CSNK1A1: variants seen among roughly 807,000 people sequenced by gnomAD.
The protein encoded by CSNK1A1 is casein kinase 1 alpha 1.
A neutral mutation model predicts 46.1 loss-of-function variants in CSNK1A1; 7 were observed. The observed-to-expected ratio is 0.15, with a 90% CI of 0.09 to 0.29. The LOEUF is 0.29. Ranked by LOEUF, CSNK1A1 falls within the 10% of genes least tolerant of loss-of-function variation. The pLI, the probability that CSNK1A1 is intolerant of heterozygous loss-of-function variation, is 1.00. For synonymous variants in CSNK1A1, 137 were observed against 141.5 expected (o/e 0.97, Z 0.23); for missense variants, 96 against 417.1 (o/e 0.23, Z 6.71).
intron 9 of CSNK1A1, chr5:149,501,516 G>A (rs748041415): frequency 1.0e-6 from 1 of 985,318 alleles, no homozygotes; most frequent in Non-Finnish European, 1.2e-6. Context: ...AAGGAAGACT[G>A]TGGACATGGT....
rs181767948 is a variant in CSNK1A1 at position 149,521,908 on chromosome 5, C to G, written c.358-1520G>C. Among the ~76,000 whole-genome samples, 85 of 152,074 alleles carry G rather than the reference C, an allele frequency of 5.6e-4. 1 individual carries two copies. The highest frequency in any genetic ancestry group is 2.0e-3 in the African/African-American group (82 of 41,510). On this transcript the variant is annotated intron_variant, in intron 3 of 9. Transcript: ENST00000377843. ...CAGGCGTGAGCCACTGCGCCTGGCC[C>G]TTCTATGAGGATTTACTCTTCTATG... is the stretch of plus-strand genomic sequence containing the variant.
rs76153531 is a variant in CSNK1A1 at position 149,543,081 on chromosome 5, A to C, written c.230+6994T>G. On this transcript the variant is annotated intron_variant, in intron 2 of 9. Transcript: ENST00000377843. ...AGAACACCCTGAATCGTAAGCATCTAATTAAATACAAATAGGTTACTTATA... is the reference window on the plus strand; with the variant it reads ...AGAACACCCTGAATCGTAAGCATCTCATTAAATACAAATAGGTTACTTATA... 2.1e-3 allele frequency among the ~76,000 whole-genome samples: 325 copies of C among 152,292 alleles called. 9 individuals carry two copies. The East Asian group carries it at 0.055, about 26-fold the overall frequency.
chr5:149,531,820 C>T (rs1463288761), intron 2 of CSNK1A1, among the ~76,000 whole-genome samples: 2 of 145,054 alleles, frequency 1.4e-5, no homozygotes, highest in African/African-American at 2.6e-5. Context: ...GCCTGGGTGA[C>T]AGCAAGACTC....
intron 2 of CSNK1A1, among the ~76,000 whole-genome samples, chr5:149,535,711 C>T (rs1484358927): frequency 6.6e-6 from 1 of 152,194 alleles, no homozygotes; most frequent in African/African-American, 2.4e-5. Flanking sequence ...ACAATCTCGG[C>T]TCACTGCAAC....
At chr5:149,510,389 C>A (rs1434039893) in intron 6 of CSNK1A1, among the ~76,000 whole-genome samples, 1 of 151,962 alleles carries the variant, frequency 6.6e-6, no homozygotes, top group African/African-American at 2.4e-5. Flanking sequence ...CCTGATTCAG[C>A]CTATCAAGTA....
Position 149,525,222 on chromosome 5 carries a change from T to A in CSNK1A1, c.231-51A>T. On this transcript the variant is annotated intron_variant, in intron 2 of 9. Transcript: ENST00000377843. This position sits in a 1 kb window ranked among gnomAD's most constrained non-coding sequence, Gnocchi z 4.2. ...GATATTACAAAAAGCTATTACTTAA[T>A]ATCATCAACCCTAAGAATAATATAG... 6.7e-7 allele frequency: 1 copy of A among 1,500,966 alleles called. No homozygotes were observed. Among genetic ancestry groups the A allele is most frequent in the Non-Finnish European group, 8.9e-7 (1 of 1,119,076 alleles). The allele number at this position is 1,500,966 out of a possible 1,614,324, so 93.0% of individuals were successfully genotyped here.
intron 2 of CSNK1A1, among the ~76,000 whole-genome samples, chr5:149,539,955 G>T (rs901301815): frequency 1.3e-5 from 2 of 152,100 alleles, no homozygotes; most frequent in Non-Finnish European, 2.9e-5. Context: ...TTTGTTGCAT[G>T]CAGAGGGAAA....
intron 2 of CSNK1A1, among the ~76,000 whole-genome samples, chr5:149,542,595 TATATATATATATATATATATA>T (rs1762274077): frequency 3.5e-4 from 1 of 2,832 alleles, no homozygotes; most frequent in African/African-American, 2.3e-3. Context: ...TACAAATTTA[TATATATATATATATATATATA>T]TATATATATA....
chr5:149,509,162 C>A (rs139045564), intron 7 of CSNK1A1, among the ~76,000 whole-genome samples: 1 of 148,746 alleles, frequency 6.7e-6, no homozygotes, highest in Admixed American at 6.7e-5. Context: ...CGGGCTCAAG[C>A]GATCCACCCT....
At chr5:149,523,552 A>C (rs1272739612) in intron 3 of CSNK1A1, among the ~76,000 whole-genome samples, 2 of 152,232 alleles carry the variant, frequency 1.3e-5, no homozygotes, top group African/African-American at 4.8e-5. Context: ...TTTGTGCCAC[A>C]AATATCACAA....
intron 2 of CSNK1A1, among the ~76,000 whole-genome samples, chr5:149,533,499 G>A (rs1282301920): frequency 6.6e-6 from 1 of 152,116 alleles, no homozygotes; most frequent in Non-Finnish European, 1.5e-5. Flanking sequence ...GACAGCATAG[G>A]TTGGTATAGT....
Position 149,507,108 on chromosome 5 carries a change from T to C in CSNK1A1, c.776A>G (p.Tyr259Cys). ...CKGFPAEFAM[Y>C]LNYCRGLRFE... ...GCGTAGCCCACGACAATAGTTTAAG[T>C]ACATCGCAAATTCTGCAGGAAACCC... Residue 259 changes from tyrosine to cysteine, a missense_variant, in exon 8 of 10, where the codon TAC (tyrosine) becomes TGC (cysteine). Transcript: ENST00000377843. The C allele has an allele frequency of 6.2e-7, 1 of 1,613,636 alleles. No individual in the cohort carries two copies. The highest frequency in any genetic ancestry group is 8.5e-7 in the Non-Finnish European group (1 of 1,179,708).
At chr5:149,504,726 C>A in intron 9 of CSNK1A1, 1 of 985,386 alleles carries the variant, frequency 1.0e-6, no homozygotes, top group Middle Eastern at 5.2e-4. Context: ...CCACATTAAA[C>A]CCTGGGAGCC....
intron 4 of CSNK1A1, among the ~76,000 whole-genome samples, chr5:149,513,867 T>C (rs1761313657): frequency 6.7e-6 from 1 of 150,066 alleles, no homozygotes. Context: ...GTCACTGCAC[T>C]CCAGCCTGGG....
intron 9 of CSNK1A1, chr5:149,502,521 G>GGGC (rs1760897147): frequency 8.9e-6 from 1 of 112,434 alleles, no homozygotes; most frequent in African/African-American, 4.2e-5. Flanking sequence ...TTTTTTTTTT[G>GGGC]GGGGGGGGGG....
rs201469252 is a variant in CSNK1A1 at position 149,496,880 on chromosome 5, A to G, written c.1007-20T>C. On this transcript the variant is annotated intron_variant, in intron 9 of 9. Coordinates refer to ENST00000377843, the MANE Select transcript of CSNK1A1 (RefSeq NM_001892.6). Reference sequence around the variant, plus strand: ...AGAAACCTGGTAAAAAATCAAAACAAAAAAAAAGTTAAAATTCCAAGTCAA... The same window carrying G: ...AGAAACCTGGTAAAAAATCAAAACAGAAAAAAAGTTAAAATTCCAAGTCAA... 28 of 1,540,446 alleles carry G rather than the reference A, an allele frequency of 1.8e-5. No individual in the cohort carries two copies. Among genetic ancestry groups the G allele is most frequent in the Non-Finnish European group, 2.3e-5 (26 of 1,146,402 alleles).
intron 2 of CSNK1A1, among the ~76,000 whole-genome samples, chr5:149,534,967 A>T (rs1762021601): frequency 6.6e-6 from 1 of 151,950 alleles, no homozygotes; most frequent in African/African-American, 2.4e-5. Context: ...TATATCAAAA[A>T]ATTCCTAAAT....
intron 4 of CSNK1A1, among the ~76,000 whole-genome samples, chr5:149,518,879 T>G (rs576356540): frequency 3.9e-5 from 6 of 152,120 alleles, no homozygotes; most frequent in Non-Finnish European, 7.4e-5. Flanking sequence ...ATGTCAACGA[T>G]GCAGAATAGG....
chr5:149,498,014 A>G (rs1313203366), intron 9 of CSNK1A1: 2 of 702,424 alleles, frequency 2.8e-6, no homozygotes. Context: ...TTGTATTTAT[A>G]GTAGAGACAC....
Sources: gnomAD v4.1 joint callset for allele counts (sites outside exome capture counted in the v4.1 genomes callset) on GRCh38, gnomAD v4.1.1 for gene constraint, Gnocchi (gnomAD v3.1) non-coding constraint, MANE v1.5 for transcripts, NCBI Gene and HGNC (gene_info 2026-07-23, HGNC 2026-07-21) for gene names.